TRIM3: variants seen among roughly 807,000 people sequenced by gnomAD.
TRIM3 encodes tripartite motif-containing protein 3.
TRIM3 carries 13 observed loss-of-function variants against 66.6 expected under a neutral mutation model. The ratio of observed to expected loss-of-function variants is 0.20; its 90% CI spans 0.13 to 0.31. TRIM3 has a LOEUF of 0.31. Ranked by LOEUF, TRIM3 falls within the 10% of genes least tolerant of loss-of-function variation. TRIM3 has a pLI of 1.00. For synonymous variants in TRIM3, 406 were observed against 411.7 expected, an observed-to-expected ratio of 0.99 and a Z score of 0.17; for missense variants, 711 against 1,020.4, an observed-to-expected ratio of 0.70 and a Z score of 4.13.
chr11:6,451,538 C>T (rs1849720414), intron 7 of TRIM3, 100 bp from the exon 8 acceptor site: 1 of 1,316,810 alleles, frequency 7.6e-7, no homozygotes, highest in South Asian at 1.4e-5. Flanking sequence ...CCCCCCACCA[C>T]CATTTATTCA....
rs1850051624 is a variant in TRIM3, at chr11:6,457,563, A to C, written c.516-87T>G. On this transcript the variant is annotated intron_variant, in intron 4 of 11. Transcript: ENST00000345851. The surrounding 1 kb of genome is among the most constrained non-coding windows in gnomAD (Gnocchi z 4.5). ...CCCTGGGGAACCTACTGCTGCCCTC[A>C]TGGAGATCTCCTTCCTGAGACCTCC... The C allele has an allele frequency of 6.4e-7, 1 of 1,561,690 alleles. No homozygotes were observed. The highest frequency in any genetic ancestry group is 1.3e-5 in the African/African-American group (1 of 74,118).
Position 6,458,372 on chromosome 11 carries a change from T to G in TRIM3, c.132-76A>C. The G allele has an allele frequency of 2.5e-6, 3 of 1,203,834 alleles. No individual in the cohort carries two copies. The highest frequency in any genetic ancestry group is 3.6e-6 in the Non-Finnish European group (3 of 836,094). The allele number at this position is 1,203,834 out of a possible 1,614,324, so 74.6% of individuals were successfully genotyped here. The stretch of plus-strand genomic sequence containing the variant: ...CACCCTTCCTTATACTTCCCATGGG[T>G]GCCAACCCCTTCCCTCACAGGTGTG... On this transcript the variant is annotated intron_variant, in intron 2 of 11. Transcript: ENST00000345851. The surrounding 1 kb of genome is among the most constrained non-coding windows in gnomAD (Gnocchi z 6.2).
rs1042190554 is a variant in TRIM3 at position 6,450,490 on chromosome 11, A to G, written c.1941+61T>C. 1.4e-6 allele frequency: 2 copies of G among 1,396,718 alleles called. No individual in the cohort carries two copies. The highest frequency in any genetic ancestry group is 2.8e-5 in the African/African-American group (2 of 70,698). The allele number at this position is 1,396,718 out of a possible 1,614,324, so 86.5% of individuals were successfully genotyped here. A position where few individuals can be genotyped will look rare whatever the true frequency, so the allele number is the denominator to read the frequency against. ...AAAAGGAGGAGGTAAAATAGAGAGG[A>G]GTCTTGTGGAAGAGGAAAGGATGTT... is the stretch of plus-strand genomic sequence containing the variant. On this transcript the variant is annotated intron_variant, in intron 10 of 11. Coordinates refer to ENST00000345851, the MANE Select transcript of TRIM3 (RefSeq NM_033278.4). The surrounding 1 kb of genome is among the most constrained non-coding windows in gnomAD (Gnocchi z 4.8).
rs1023507952 is a variant in TRIM3 at position 6,467,643 on chromosome 11, T to C, written c.-37-1911A>G. ...ATCTAGGCATGGTGGCACACACCTG[T>C]AGTCCAGGCTACTTGGGAGGCTGAG... On this transcript the variant is annotated intron_variant, in intron 1 of 11. Coordinates refer to ENST00000345851, the MANE Select transcript of TRIM3 (RefSeq NM_033278.4). Among the ~76,000 whole-genome samples, 4 of 152,198 alleles carry C rather than the reference T, an allele frequency of 2.6e-5. No individual in the cohort carries two copies. In the South Asian group the frequency reaches 6.2e-4, roughly 24 times the overall value.
In TRIM3 at chr11:6,457,867, G is replaced by T. The variant is rs762938990; in HGVS notation, c.364-20C>A. 11 of 1,613,754 alleles carry T rather than the reference G, an allele frequency of 6.8e-6. No homozygotes were observed. Among genetic ancestry groups the T allele is most frequent in the Non-Finnish European group, 8.5e-7 (1 of 1,179,810 alleles). On this transcript the variant is annotated intron_variant, in intron 3 of 11. Coordinates refer to ENST00000345851, the MANE Select transcript of TRIM3 (RefSeq NM_033278.4). This position sits in a 1 kb window ranked among gnomAD's most constrained non-coding sequence, Gnocchi z 4.5. ...CATCGTCTGCGGTACAAGGACTCCAGTCGGGTAATGGCTAGACATCACACT... is the reference window on the plus strand; with the variant it reads ...CATCGTCTGCGGTACAAGGACTCCATTCGGGTAATGGCTAGACATCACACT...
intron 7 of TRIM3, chr11:6,453,178 ATGAACTCCCCAGC>A (rs1849806482): frequency 6.6e-6 from 1 of 152,230 alleles, no homozygotes; most frequent in South Asian, 2.1e-4. Flanking sequence ...CAACAAATGA[ATGAACTCCCCAGC>A]TCAATCTCAG....
rs372283699 is a variant in TRIM3 at position 6,449,254 on chromosome 11, A to G, written c.2082+52T>C. On this transcript the variant is annotated intron_variant, in intron 11 of 11. Coordinates refer to ENST00000345851, the MANE Select transcript of TRIM3 (RefSeq NM_033278.4). The surrounding 1 kb of genome is among the most constrained non-coding windows in gnomAD (Gnocchi z 5.3). Reference sequence around the variant, plus strand: ...GAGTCTGTTTTGGGGGAACGGGCATATGGGACACACCAGGAAACCGCCCCC... The same window carrying G: ...GAGTCTGTTTTGGGGGAACGGGCATGTGGGACACACCAGGAAACCGCCCCC... 4.9e-5 allele frequency: 79 copies of G among 1,610,100 alleles called. 1 individual carries two copies. The African/African-American group carries it at 9.7e-4, about 20-fold the overall frequency.
Position 6,458,373 on chromosome 11 carries a change from G to T in TRIM3, c.132-77C>A. On this transcript the variant is annotated intron_variant, in intron 2 of 11. Transcript: ENST00000345851. This position sits in a 1 kb window ranked among gnomAD's most constrained non-coding sequence, Gnocchi z 6.2. ...ACCCTTCCTTATACTTCCCATGGGTGCCAACCCCTTCCCTCACAGGTGTGC... is the reference window on the plus strand; with the variant it reads ...ACCCTTCCTTATACTTCCCATGGGTTCCAACCCCTTCCCTCACAGGTGTGC... The T allele has an allele frequency of 1.7e-6, 2 of 1,192,442 alleles. No individual in the cohort carries two copies. Among genetic ancestry groups the T allele is most frequent in the Non-Finnish European group, 2.4e-6 (2 of 825,788 alleles). The allele number at this position is 1,192,442 out of a possible 1,614,324, so 73.9% of individuals were successfully genotyped here.
rs1158656928 is a variant in TRIM3 at position 6,454,607 on chromosome 11, T to C, written c.1533+1465A>G. The stretch of plus-strand genomic sequence containing the variant: ...GAGTAGGGAACTGAGCACCACCTCA[T>C]TACTCCCCCGCAATCCCCTCCTCAC... On this transcript the variant is annotated intron_variant, in intron 7 of 11. Transcript: ENST00000345851. Among the ~76,000 whole-genome samples the C allele has an allele frequency of 2.0e-5, 3 of 152,060 alleles. No individual in the cohort carries two copies. In the East Asian group the frequency reaches 5.8e-4, roughly 29 times the overall value.
chr11:6,470,924 AC>A (rs1486884623), intron 1 of TRIM3, among the ~76,000 whole-genome samples: 1 of 152,228 alleles, frequency 6.6e-6, no homozygotes, highest in Non-Finnish European at 1.5e-5. Flanking sequence ...AACTTCATGA[AC>A]AAGGGAGTGA....
In TRIM3 at chr11:6,458,125, G is replaced by T; in HGVS notation, c.303C>A (p.Asp101Glu). ...CAGCCACTACACTGAGGGGGTGGGGGTCCTCCGGGTCGTGGGCCCCATCAG... is the reference window on the plus strand; with the variant it reads ...CAGCCACTACACTGAGGGGGTGGGGTTCCTCCGGGTCGTGGGCCCCATCAG... ...QAPDGAHDPE[D>E]PHPLSVVAGR... The change falls in exon 3 of 12, where the codon GAC (aspartate) becomes GAA (glutamate). Residue 101 changes from aspartate (D) to glutamate (E), a missense_variant. Around this residue, in one of 3 missense-constraint regions of TRIM3, gnomAD observed 149 missense variants for 240.3 expected, o/e 0.62. Transcript: ENST00000345851. The surrounding 1 kb of genome is among the most constrained non-coding windows in gnomAD (Gnocchi z 6.2). 1.2e-6 allele frequency: 2 copies of T among 1,613,844 alleles called. No homozygotes were observed. The highest frequency in any genetic ancestry group is 1.7e-6 in the Non-Finnish European group (2 of 1,180,026).
At chr11:6,460,567 T>C (rs986524122) in intron 2 of TRIM3, among the ~76,000 whole-genome samples, 2 of 151,964 alleles carry the variant, frequency 1.3e-5, no homozygotes, top group African/African-American at 2.4e-5. Context: ...GAGGAGGATA[T>C]AGAGAGGCAC....
rs1164509203 is a variant in TRIM3, at chr11:6,456,234, C to T, written c.1430-59G>A. ...TTCATTCAGAGGTCATCTTGAACCT[C>T]CCTTCCCTCCCCACCCACTACCTGA... On this transcript the variant is annotated intron_variant, in intron 6 of 11. Coordinates refer to ENST00000345851, the MANE Select transcript of TRIM3 (RefSeq NM_033278.4). The surrounding 1 kb of genome is among the most constrained non-coding windows in gnomAD (Gnocchi z 6.4). 8.1e-6 allele frequency: 13 copies of T among 1,601,382 alleles called. No individual in the cohort carries two copies. The highest frequency in any genetic ancestry group is 2.2e-5 in the East Asian group (1 of 44,706).
chr11:6,473,121 A>G (rs1249983791), intron 1 of TRIM3: 3 of 152,554 alleles, frequency 2.0e-5, no homozygotes, highest in Non-Finnish European at 4.4e-5. Flanking sequence ...ACCTGCAACC[A>G]TCTGTCCCTG....
chr11:6,473,672 T>C (rs1486640362), intron 1 of TRIM3, 119 bp downstream of exon 1: 1 of 152,434 alleles, frequency 6.6e-6, no homozygotes, highest in Non-Finnish European at 1.5e-5. Context: ...ACGCCTCACG[T>C]GGGCAGAGAG....
At position 6,456,344 on chromosome 11, in the gene TRIM3, C is replaced by A; in HGVS notation, c.1382G>T (p.Gly461Val). The A allele has an allele frequency of 6.5e-7, 1 of 1,541,222 alleles. No individual in the cohort carries two copies. Among genetic ancestry groups the A allele is most frequent in the Non-Finnish European group, 8.8e-7 (1 of 1,140,580 alleles). ...RRPSSMYSTG[G>V]KRKDNPIEDE... ...CTCAATTGGGTTGTCCTTTCGTTTG[C>A]CGCCTGTGCTGTACATGGAGCTGGG... Residue 461 changes from glycine to valine, a missense_variant, in exon 6 of 12, where the codon GGC (glycine) becomes GTC (valine). Transcript: ENST00000345851. This position sits in a 1 kb window ranked among gnomAD's most constrained non-coding sequence, Gnocchi z 6.4.
intron 2 of TRIM3, among the ~76,000 whole-genome samples, chr11:6,460,898 C>CTTTTTTTTT (rs771919613): frequency 5.4e-5 from 4 of 74,250 alleles, no homozygotes; most frequent in Non-Finnish European, 7.3e-5. Flanking sequence ...TTTTTGGTGG[C>CTTTTTTTTT]TTTTTTTTTT....
chr11:6,465,420 G>GGGTTCA, intron 2 of TRIM3, 145 bp downstream of exon 2: 2 of 927,592 alleles, frequency 2.2e-6, no homozygotes, highest in Non-Finnish European at 3.3e-6. Flanking sequence ...CTGCAGGTTG[G>GGGTTCA]GGTTCACCTG....
intron 2 of TRIM3, among the ~76,000 whole-genome samples, chr11:6,462,675 G>C (rs1033035487): frequency 6.6e-6 from 1 of 152,046 alleles, no homozygotes; most frequent in Non-Finnish European, 1.5e-5. Context: ...GCCTCCCAAA[G>C]TGCTGGGATT....
Sources: allele counts gnomAD v4.1 joint callset (sites outside exome capture counted in the v4.1 genomes callset), GRCh38; gene constraint gnomAD v4.1.1; regional missense constraint gnomAD v4.1.1; non-coding constraint Gnocchi (gnomAD v3.1); transcripts MANE v1.5; gene names NCBI Gene and HGNC (gene_info 2026-07-23, HGNC 2026-07-21).